The following RNF6 variants were observed in gnomAD, a reference collection of about 807,000 sequenced individuals.
The protein encoded by RNF6 is E3 ubiquitin-protein ligase RNF6.
Under a neutral mutation model 50.1 loss-of-function variants are expected in RNF6, and 21 were observed. That is an observed-to-expected ratio of 0.42 (90% CI 0.30 to 0.60). The LOEUF (loss-of-function observed/expected upper bound fraction) is 0.60. Ranked by LOEUF, RNF6 falls within the 20% of genes least tolerant of loss-of-function variation. The pLI is 0.20. For synonymous variants in RNF6, 255 were observed against 291.8 expected, an observed-to-expected ratio of 0.87 and a Z score of 1.29; for missense variants, 698 against 838.2, an observed-to-expected ratio of 0.83 and a Z score of 2.07.
intron 5 of RNF6, among the ~76,000 whole-genome samples, chr13:26,180,072 C>T (rs1873163388): frequency 6.6e-6 from 1 of 152,150 alleles, no homozygotes; most frequent in South Asian, 2.1e-4. Context: ...TGGCAGTAAC[C>T]CAAATGACAC....
intron 5 of RNF6, among the ~76,000 whole-genome samples, chr13:26,186,902 C>G (rs567021424): frequency 6.2e-4 from 94 of 152,194 alleles, no homozygotes; most frequent in African/African-American, 2.2e-3. Context: ...CTCAGCCTCC[C>G]GAGTAGCTGG....
chr13:26,189,255 G>A (rs567927944), intron 5 of RNF6, among the ~76,000 whole-genome samples: 3 of 152,184 alleles, frequency 2.0e-5, no homozygotes, highest in South Asian at 4.1e-4. Flanking sequence ...TTGAACCCGG[G>A]AGGCGGAGGT....
At chr13:26,133,045 T>G (rs778941698) in intron 5 of RNF6, among the ~76,000 whole-genome samples, 5 of 152,220 alleles carry the variant, frequency 3.3e-5, no homozygotes, top group Non-Finnish European at 7.3e-5. Flanking sequence ...AATAAGATGA[T>G]GTCAGCTTTA....
At chr13:26,182,686 T>C (rs1873298885) in intron 5 of RNF6, among the ~76,000 whole-genome samples, 1 of 152,064 alleles carries the variant, frequency 6.6e-6, no homozygotes, top group Non-Finnish European at 1.5e-5. Flanking sequence ...ACACCTGTAG[T>C]CCCAGCTACT....
chr13:26,176,851 T>C (rs1593168447), intron 5 of RNF6, among the ~76,000 whole-genome samples: 1 of 152,176 alleles, frequency 6.6e-6, no homozygotes, highest in East Asian at 1.9e-4. Context: ...GGAGAATCAC[T>C]TGAACCCAGG....
At chr13:26,204,103 C>G (rs940659555) in intron 5 of RNF6, among the ~76,000 whole-genome samples, 1 of 152,146 alleles carries the variant, frequency 6.6e-6, no homozygotes, top group Non-Finnish European at 1.5e-5. Flanking sequence ...CCGCCTTTAT[C>G]GTCAACAAGT....
chr13:26,217,278 A>T (rs1566442930), intron 4 of RNF6, among the ~76,000 whole-genome samples: 1 of 152,262 alleles, frequency 6.6e-6, no homozygotes, highest in Non-Finnish European at 1.5e-5. Flanking sequence ...AAAAAGAATG[A>T]GTAAAAGGCA....
intron 5 of RNF6, among the ~76,000 whole-genome samples, chr13:26,139,513 C>T (rs1870824552): frequency 6.6e-6 from 1 of 152,084 alleles, no homozygotes; most frequent in African/African-American, 2.4e-5. Flanking sequence ...ACTCAGTCAC[C>T]TCCATAAATT....
intron 5 of RNF6, among the ~76,000 whole-genome samples, chr13:26,166,855 G>A (rs942900160): frequency 1.3e-5 from 2 of 152,190 alleles, no homozygotes; most frequent in Admixed American, 1.3e-4. Context: ...AGGAGGCAGA[G>A]GTTGCAGTGA....
chr13:26,142,321 G>A (rs1173487794), intron 5 of RNF6: 1 of 152,138 alleles, frequency 6.6e-6, no homozygotes, highest in Non-Finnish European at 1.5e-5. Context: ...AATATTTATG[G>A]AGATTTATCA....
At chr13:26,218,740 GAC>G in intron 3 of RNF6, 134 bp from the exon 4 acceptor site, 2 of 611,032 alleles carry the variant, frequency 3.3e-6, no homozygotes, top group South Asian at 2.2e-5. Context: ...GTAAATTGAA[GAC>G]AGTTAAAAAT....
chr13:26,180,535 C>T (rs573441954), intron 5 of RNF6, among the ~76,000 whole-genome samples: 1 of 152,292 alleles, frequency 6.6e-6, no homozygotes, highest in Admixed American at 6.5e-5. Context: ...GTCTCTGATC[C>T]CATTGTACAC....
chr13:26,216,687 G>C (rs926715643), intron 4 of RNF6, among the ~76,000 whole-genome samples: 4 of 152,140 alleles, frequency 2.6e-5, no homozygotes, highest in Admixed American at 2.6e-4. Flanking sequence ...GGGCGCGGTG[G>C]CTCACACCTG....
At chr13:26,135,532 T>C (rs1011678855) in intron 5 of RNF6, 2 of 152,196 alleles carry the variant, frequency 1.3e-5, no homozygotes, top group Non-Finnish European at 2.9e-5. Context: ...ATCTGCCATA[T>C]CTTTAGATCT....
chr13:26,149,176 T>C (rs1459488508), intron 5 of RNF6: 1 of 152,194 alleles, frequency 6.6e-6, no homozygotes, highest in African/African-American at 2.4e-5. Flanking sequence ...CCTTTTGTGT[T>C]TTTTAACTAT....
chr13:26,172,785 C>T (rs916656617), intron 5 of RNF6, among the ~76,000 whole-genome samples: 9 of 152,064 alleles, frequency 5.9e-5, no homozygotes, highest in East Asian at 5.8e-4. Context: ...CCTCGTGATC[C>T]GCCCACCTCG....
rs145959669 is a variant in RNF6, at chr13:26,200,899, T to C, written n.768+14575A>G. ...ATAATGCATGGGAGTTCAGCAAGACTCAAAGTAAGTAAAAAGTAATCATGT... is the reference window on the plus strand; with the variant it reads ...ATAATGCATGGGAGTTCAGCAAGACCCAAAGTAAGTAAAAAGTAATCATGT... On this transcript the variant is annotated intron_variant and non_coding_transcript_variant, in intron 5 of 5. Coordinates refer to the RNF6 transcript ENST00000468480. Among the ~76,000 whole-genome samples the C allele has an allele frequency of 2.0e-3, 300 of 152,254 alleles. 4 individuals are homozygous for C. In the South Asian group the frequency reaches 0.026, roughly 13 times the overall value.
chr13:26,175,079 C>T (rs1886455), intron 5 of RNF6, among the ~76,000 whole-genome samples: 25,052 of 151,932 alleles, frequency 0.16, 2,898 homozygotes, highest in East Asian at 0.58. Flanking sequence ...CATTGGCGTC[C>T]GGTGCCTTTT....
chr13:26,188,756 A>G (rs1319591484), intron 5 of RNF6, among the ~76,000 whole-genome samples: 1 of 145,908 alleles, frequency 6.9e-6, no homozygotes, highest in Non-Finnish European at 1.5e-5. Flanking sequence ...CAGCCTCCCA[A>G]GTAGCTGGGA....
Sources: allele counts gnomAD v4.1 joint callset (sites outside exome capture counted in the v4.1 genomes callset), GRCh38; gene constraint gnomAD v4.1.1; transcripts MANE v1.5; gene names NCBI Gene and HGNC (gene_info 2026-07-23, HGNC 2026-07-21).